Variants in VIT observed in about 807,000 individuals in gnomAD.
The protein encoded by VIT is vitrin.
In VIT, 99 loss-of-function variants were observed where a neutral mutation model predicts 78.0. The observed-to-expected ratio is 1.27, with a 90% CI of 1.08 to 1.50. The LOEUF (loss-of-function observed/expected upper bound fraction) is 1.50, where lower values mean the gene tolerates loss of function less well. Ranked by LOEUF, VIT falls within the 40% of genes most tolerant of loss-of-function variation. The pLI is 0.00. For missense variants in VIT, 1,126 were observed against 875.3 expected, an observed-to-expected ratio of 1.29 and a Z score of -3.61; for synonymous variants, 374 against 334.3, an observed-to-expected ratio of 1.12 and a Z score of -1.29.
chr2:36,785,836 T>TC (rs1206783812), intron 11 of VIT, among the ~76,000 whole-genome samples: 1 of 152,222 alleles, frequency 6.6e-6, no homozygotes, highest in Non-Finnish European at 1.5e-5. Flanking sequence ...ATAACTTTTC[T>TC]CCTAATCACA....
chr2:36,724,978 G>A (rs1261381758), intron 2 of VIT, among the ~76,000 whole-genome samples: 1 of 152,120 alleles, frequency 6.6e-6, no homozygotes, highest in African/African-American at 2.4e-5. Flanking sequence ...TTATTTTTGA[G>A]CATTAAGTGA....
intron 12 of VIT, among the ~76,000 whole-genome samples, chr2:36,791,210 T>A (rs1375041341): frequency 1.3e-5 from 2 of 152,130 alleles, no homozygotes; most frequent in Non-Finnish European, 1.5e-5. Context: ...GTTTAGTGAG[T>A]GGCTCTGACT....
chr2:36,715,539 A>T (rs1489094370), intron 1 of VIT, among the ~76,000 whole-genome samples: 7 of 152,130 alleles, frequency 4.6e-5, no homozygotes, highest in South Asian at 2.1e-4. Flanking sequence ...ACGTCTAAAA[A>T]AAAAAATAAA....
rs1664892022 is a variant in VIT at position 36,783,408 on chromosome 2, T to C, written c.910+6T>C. ...AGTATCCCTGGGAGATCCAAGTAAG[T>C]TAATTGACAACTAGAAACCCACGGT... On this transcript the variant is annotated splice_donor_region_variant and intron_variant, in intron 11 of 15. Transcript: ENST00000379242. The C allele has an allele frequency of 1.2e-6, 2 of 1,613,940 alleles. No homozygotes were observed. The highest frequency in any genetic ancestry group is 2.7e-5 in the African/African-American group (2 of 74,928).
intron 1 of VIT, among the ~76,000 whole-genome samples, chr2:36,708,920 C>T (rs1490828341): frequency 6.6e-6 from 1 of 152,116 alleles, no homozygotes. Flanking sequence ...GAGGCCAAGG[C>T]GGGCAGATCA....
chr2:36,745,033 T>A (rs1206966876), intron 4 of VIT, among the ~76,000 whole-genome samples: 1 of 152,186 alleles, frequency 6.6e-6, no homozygotes, highest in Non-Finnish European at 1.5e-5. Flanking sequence ...CTTTTGCATA[T>A]GGATAGCCAG....
At chr2:36,809,027 T>C in intron 15 of VIT, 42 bp downstream of exon 15, 1 of 1,525,900 alleles carries the variant, frequency 6.6e-7, no homozygotes, top group Non-Finnish European at 8.8e-7. Context: ...GAGGCTGCTT[T>C]CTGGGGCTTG....
chr2:36,715,184 C>G (rs574658825), intron 1 of VIT, among the ~76,000 whole-genome samples: 1 of 152,196 alleles, frequency 6.6e-6, no homozygotes, highest in Non-Finnish European at 1.5e-5. Flanking sequence ...CACTACCCCC[C>G]ACCTACTGGA....
At chr2:36,709,107 G>A (rs1558504032) in intron 1 of VIT, among the ~76,000 whole-genome samples, 4 of 152,202 alleles carry the variant, frequency 2.6e-5, no homozygotes, top group South Asian at 4.1e-4. Context: ...CCCAGATCAC[G>A]CCACTGCACT....
At chr2:36,719,020 C>G (rs1438920075) in intron 2 of VIT, among the ~76,000 whole-genome samples, 2 of 152,174 alleles carry the variant, frequency 1.3e-5, no homozygotes, top group Non-Finnish European at 2.9e-5. Flanking sequence ...ATAAAACAAA[C>G]AAACAAACTG....
intron 1 of VIT, among the ~76,000 whole-genome samples, chr2:36,710,814 AT>A (rs1305465087): frequency 1.3e-5 from 2 of 152,176 alleles, no homozygotes; most frequent in Non-Finnish European, 2.9e-5. Context: ...CTGTTGATAG[AT>A]TTTGCATCGT....
intron 9 of VIT, among the ~76,000 whole-genome samples, chr2:36,778,140 T>C (rs2148613695): frequency 6.6e-6 from 1 of 152,368 alleles, no homozygotes; most frequent in East Asian, 1.9e-4. Context: ...GTACTGAGCA[T>C]ACTGTATGTC....
chr2:36,762,915 A>G (rs1305070059), intron 6 of VIT, among the ~76,000 whole-genome samples: 1 of 152,096 alleles, frequency 6.6e-6, no homozygotes, highest in Non-Finnish European at 1.5e-5. Flanking sequence ...CCGCGCCCCA[A>G]CTGCCCTGGC....
At chr2:36,746,295 T>C (rs1329343983) in intron 4 of VIT, among the ~76,000 whole-genome samples, 13 of 152,146 alleles carry the variant, frequency 8.5e-5, no homozygotes, top group Admixed American at 8.5e-4. Context: ...AACTAGGTTT[T>C]GGTATCAGGA....
chr2:36,719,566 T>C (rs892510684), intron 2 of VIT, among the ~76,000 whole-genome samples: 2 of 128,716 alleles, frequency 1.6e-5, no homozygotes, highest in Admixed American at 1.8e-4. Flanking sequence ...AACAATCTCA[T>C]TTACGATAGT....
chr2:36,759,552 G>A (rs1668980212), intron 6 of VIT: 1 of 1,074,114 alleles, frequency 9.3e-7, no homozygotes, highest in African/African-American at 1.7e-5. Context: ...AGTATCGGTA[G>A]ACCTCAGGCC....
intron 4 of VIT, among the ~76,000 whole-genome samples, chr2:36,753,051 T>G (rs1353919837): frequency 6.6e-6 from 1 of 152,234 alleles, no homozygotes; most frequent in Non-Finnish European, 1.5e-5. Flanking sequence ...ATCATGTCCT[T>G]GGCAGGGACA....
intron 1 of VIT, 28 bp from the exon 2 acceptor site, chr2:36,716,325 G>C: frequency 1.3e-6 from 2 of 1,596,490 alleles, no homozygotes; most frequent in East Asian, 2.2e-5. Context: ...GCTGAAATAT[G>C]ATGACGTTAT....
intron 5 of VIT, 24 bp from the exon 6 acceptor site, chr2:36,758,944 CG>C: frequency 1.3e-6 from 2 of 1,539,150 alleles, no homozygotes; most frequent in Middle Eastern, 1.7e-4. Flanking sequence ...AAATAAATCT[CG>C]TTTTTTTTTT....
Sources: gnomAD v4.1 joint callset for allele counts (sites outside exome capture counted in the v4.1 genomes callset) on GRCh38, gnomAD v4.1.1 for gene constraint, MANE v1.5 for transcripts, NCBI Gene and HGNC (gene_info 2026-07-23, HGNC 2026-07-21) for gene names.